The following NOX4 variants were observed in gnomAD, a reference collection of about 807,000 sequenced individuals.
The protein encoded by NOX4 is NADPH oxidase 4, also known as kidney oxidase-1.
NOX4 carries 69 observed loss-of-function variants against 87.6 expected under a neutral mutation model. The observed-to-expected ratio is 0.79, with a 90% CI of 0.65 to 0.96. The LOEUF (loss-of-function observed/expected upper bound fraction) is 0.96. Among genes scored for constraint, NOX4 ranks in the 40% least tolerant of loss-of-function variants. The pLI, the probability that NOX4 is intolerant of heterozygous loss-of-function variation, is 0.00. For missense variants in NOX4, 680 were observed against 681.5 expected (o/e 1.00, Z 0.02); for synonymous variants, 275 against 238.2 (o/e 1.15, Z -1.42).
chr11:89,434,062 T>A (rs1450665214), intron 6 of NOX4, among the ~76,000 whole-genome samples: 3 of 152,050 alleles, frequency 2.0e-5, no homozygotes, highest in Non-Finnish European at 4.4e-5. Context: ...TCTGGAAAAG[T>A]GACATTCCTC....
At chr11:89,384,749 G>A (rs1041419458) in intron 11 of NOX4, among the ~76,000 whole-genome samples, 1 of 152,112 alleles carries the variant, frequency 6.6e-6, no homozygotes, top group Non-Finnish European at 1.5e-5. Flanking sequence ...GTACAGGGCT[G>A]TGCAGTCAGA....
At chr11:89,431,520 C>G (rs1943781932) in intron 7 of NOX4, among the ~76,000 whole-genome samples, 1 of 151,948 alleles carries the variant, frequency 6.6e-6, no homozygotes, top group Non-Finnish European at 1.5e-5. Context: ...AACAAACAAC[C>G]CCATCAAAAA....
chr11:89,515,269 A>G, the NOX4 span, among the ~76,000 whole-genome samples: 3 of 151,838 alleles, frequency 2.0e-5, no homozygotes, highest in Non-Finnish European at 2.9e-5. Context: ...AACCTTGCCA[A>G]TTTTTTTAGC....
chr11:89,488,961 C>G (rs1353604226), intron 2 of NOX4: 1 of 700,766 alleles, frequency 1.4e-6, no homozygotes, highest in Non-Finnish European at 2.6e-6. Flanking sequence ...TCTCTGGGTG[C>G]CCATCTGAAA....
intron 13 of NOX4, among the ~76,000 whole-genome samples, chr11:89,352,093 G>T (rs1946481207): frequency 6.6e-6 from 1 of 152,136 alleles, no homozygotes; most frequent in Admixed American, 6.6e-5. Context: ...ATGATAGACA[G>T]TGGAGACTTG....
chr11:89,449,204 T>C (rs1267556551), intron 4 of NOX4, among the ~76,000 whole-genome samples: 1 of 152,188 alleles, frequency 6.6e-6, no homozygotes. Flanking sequence ...ACATTTTCCA[T>C]GTGTAATTTT....
chr11:89,346,923 C>A (rs1039341872), intron 13 of NOX4, among the ~76,000 whole-genome samples: 9 of 152,162 alleles, frequency 5.9e-5, no homozygotes, highest in South Asian at 2.1e-4. Flanking sequence ...AGACCAGCGT[C>A]CTTCAGACAT....
the NOX4 span, among the ~76,000 whole-genome samples, chr11:89,511,688 C>T: frequency 2.9e-4 from 44 of 152,050 alleles, no homozygotes; most frequent in African/African-American, 1.0e-3. Flanking sequence ...GTGGAAGCTT[C>T]CTAAAATTGC....
At chr11:89,543,385 A>G in the NOX4 span, among the ~76,000 whole-genome samples, 1 of 152,142 alleles carries the variant, frequency 6.6e-6, no homozygotes, top group Admixed American at 6.6e-5. Flanking sequence ...TGTTCTACAT[A>G]TTAATTGGTT....
intron 4 of NOX4, among the ~76,000 whole-genome samples, chr11:89,448,308 T>C (rs934675016): frequency 6.6e-6 from 1 of 152,156 alleles, no homozygotes; most frequent in African/African-American, 2.4e-5. Context: ...AACCTACGCA[T>C]GGACTCCTCG....
At chr11:89,378,652 G>C (rs1032875282) in intron 11 of NOX4, among the ~76,000 whole-genome samples, 1 of 152,008 alleles carries the variant, frequency 6.6e-6, no homozygotes, top group African/African-American at 2.4e-5. Flanking sequence ...AAATATAGGA[G>C]AAAAATATAG....
intron 6 of NOX4, among the ~76,000 whole-genome samples, 199 bp downstream of exon 6, chr11:89,440,489 A>G (rs1944408363): frequency 6.6e-6 from 1 of 151,740 alleles, no homozygotes; most frequent in Non-Finnish European, 1.5e-5. Flanking sequence ...ATGCCCGGCT[A>G]ATTTTTTGTG....
intron 8 of NOX4, among the ~76,000 whole-genome samples, chr11:89,418,318 A>C (rs1317309384): frequency 6.6e-6 from 1 of 151,396 alleles, no homozygotes; most frequent in Non-Finnish European, 1.5e-5. Flanking sequence ...TAAGAATGTT[A>C]ATTTTGGTAC....
chr11:89,379,128 T>A (rs1417046643), intron 11 of NOX4, among the ~76,000 whole-genome samples: 1 of 152,120 alleles, frequency 6.6e-6, no homozygotes, highest in Admixed American at 6.6e-5. Flanking sequence ...TAAAAATAGA[T>A]GCCACAATGG....
At chr11:89,363,555 C>T (rs942655491) in intron 12 of NOX4, among the ~76,000 whole-genome samples, 31 of 151,918 alleles carry the variant, frequency 2.0e-4, no homozygotes, top group African/African-American at 7.5e-4. Context: ...AATGTAATTA[C>T]AAAATTATTT....
chr11:89,545,430 T>C, the NOX4 span: 4 of 152,112 alleles, frequency 2.6e-5, no homozygotes, highest in African/African-American at 4.8e-5. Flanking sequence ...TTCTAACCTC[T>C]GCAGATTATA....
chr11:89,546,445 C>T, the NOX4 span, among the ~76,000 whole-genome samples: 1 of 152,116 alleles, frequency 6.6e-6, no homozygotes, highest in African/African-American at 2.4e-5. Context: ...CCCATTTAAG[C>T]TTGTTGCAGG....
intron 11 of NOX4, among the ~76,000 whole-genome samples, chr11:89,398,217 A>G (rs1941616327): frequency 6.6e-6 from 1 of 152,142 alleles, no homozygotes; most frequent in East Asian, 1.9e-4. Flanking sequence ...GACAAAAACC[A>G]CTTGATTATC....
chr11:89,522,612 T>C, the NOX4 span, among the ~76,000 whole-genome samples: 1 of 152,118 alleles, frequency 6.6e-6, no homozygotes, highest in African/African-American at 2.4e-5. Flanking sequence ...CCTGATAACA[T>C]ACCTGCACAT....
Sources: allele counts gnomAD v4.1 joint callset (sites outside exome capture counted in the v4.1 genomes callset), GRCh38; gene constraint gnomAD v4.1.1; transcripts MANE v1.5; gene names NCBI Gene and HGNC (gene_info 2026-07-23, HGNC 2026-07-21).